The following PDZD2 variants were observed in gnomAD, a reference collection of about 807,000 sequenced individuals.
The protein encoded by PDZD2 is PDZ domain-containing protein 2.
Under a neutral mutation model 220.7 loss-of-function variants are expected in PDZD2, and 90 were observed. That is an observed-to-expected ratio of 0.41 (90% CI 0.34 to 0.49). PDZD2 has a LOEUF of 0.49. PDZD2 is among the 20% of genes least tolerant of loss of function. PDZD2 has a pLI of 0.28. For missense variants in PDZD2, 3,174 were observed against 3,608.5 expected, an observed-to-expected ratio of 0.88 and a Z score of 3.08; for synonymous variants, 1,375 against 1,450.5, an observed-to-expected ratio of 0.95 and a Z score of 1.18.
intron 2 of PDZD2, among the ~76,000 whole-genome samples, chr5:31,921,896 C>T (rs1581084860): frequency 6.6e-6 from 1 of 152,168 alleles, no homozygotes; most frequent in African/African-American, 2.4e-5. Context: ...TGCCCGCCCT[C>T]CTCTGAGGTA....
intron 7 of PDZD2, among the ~76,000 whole-genome samples, chr5:32,045,285 C>T (rs1294337859): frequency 6.6e-6 from 1 of 152,220 alleles, no homozygotes; most frequent in African/African-American, 2.4e-5. Flanking sequence ...GCAACATCAT[C>T]TCTCATTTCA....
intron 2 of PDZD2, among the ~76,000 whole-genome samples, chr5:31,902,418 C>A (rs1034523145): frequency 6.6e-6 from 1 of 151,170 alleles, no homozygotes; most frequent in Non-Finnish European, 1.5e-5. Context: ...AGATCTTTAG[C>A]CTGTTACTCA....
chr5:32,023,651 T>C (rs1398102312), intron 6 of PDZD2, among the ~76,000 whole-genome samples: 1 of 152,204 alleles, frequency 6.6e-6, no homozygotes. Flanking sequence ...CTAAGATGTC[T>C]CTCTCTGTCA....
At chr5:31,695,445 TCA>T (rs1228983821) in intron 1 of PDZD2, among the ~76,000 whole-genome samples, 1 of 152,258 alleles carries the variant, frequency 6.6e-6, no homozygotes, top group Non-Finnish European at 1.5e-5. Flanking sequence ...CTTGTACAGC[TCA>T]GTTTCACTTA....
intron 1 of PDZD2, among the ~76,000 whole-genome samples, chr5:31,686,971 A>G (rs1036904401): frequency 2.0e-5 from 3 of 152,164 alleles, no homozygotes; most frequent in African/African-American, 7.2e-5. Context: ...CCATGCGTGC[A>G]GGGCTGTGGA....
intron 1 of PDZD2, among the ~76,000 whole-genome samples, chr5:31,706,933 T>G (rs1316236746): frequency 6.6e-6 from 1 of 151,682 alleles, no homozygotes; most frequent in Non-Finnish European, 1.5e-5. Flanking sequence ...CTCTACAAAT[T>G]CATGTGTTGA....
chr5:32,093,040 A>G lies in PDZD2; in HGVS notation c.7845+16A>G, dbSNP rs748881005. 3.0e-5 allele frequency: 39 copies of G among 1,301,926 alleles called. No homozygotes were observed. The highest frequency in any genetic ancestry group is 4.1e-5 in the Non-Finnish European group (37 of 898,478). The allele number at this position is 1,301,926 out of a possible 1,614,324, so 80.6% of individuals were successfully genotyped here. On this transcript the variant is annotated intron_variant, in intron 21 of 24. Transcript: ENST00000438447. ...ACAATCAGAGGTGAGTGAAACACAG[A>G]AAGCTCAGGAACATGAATTGCGGCC...
intron 6 of PDZD2, among the ~76,000 whole-genome samples, chr5:32,025,591 C>CTTTTTGTTTTTTTTTTTTT (rs1754584449): frequency 1.5e-5 from 1 of 67,508 alleles, no homozygotes; most frequent in Non-Finnish European, 2.6e-5. Flanking sequence ...AACCATGATG[C>CTTTTTGTTTTTTTTTTTTT]TTTTTTTTTT....
chr5:31,679,278 C>A (rs537437340), intron 1 of PDZD2, among the ~76,000 whole-genome samples: 40 of 152,360 alleles, frequency 2.6e-4, no homozygotes, highest in Non-Finnish European at 3.4e-4. Flanking sequence ...GCAAAATATT[C>A]TTTCGCTTTT....
intron 18 of PDZD2, among the ~76,000 whole-genome samples, chr5:32,075,329 G>C (rs1371813761): frequency 1.3e-5 from 2 of 152,162 alleles, no homozygotes; most frequent in African/African-American, 4.8e-5. Flanking sequence ...ACATTTCTGA[G>C]CTTAGTTCTC....
chr5:32,052,994 G>T (rs993412645), intron 9 of PDZD2, among the ~76,000 whole-genome samples: 3 of 152,070 alleles, frequency 2.0e-5, no homozygotes, highest in Non-Finnish European at 4.4e-5. Context: ...TCTTTAAATG[G>T]TTACTTTTTA....
chr5:32,074,610 C>A lies in PDZD2; in HGVS notation c.3504C>A (p.Val1168=). 6.2e-7 allele frequency: 1 copy of A among 1,610,782 alleles called. No individual in the cohort carries two copies. The highest frequency in any genetic ancestry group is 8.5e-7 in the Non-Finnish European group (1 of 1,178,600). The change falls in exon 18 of 25, where the codon GTC becomes GTA. Residue 1168 remains valine (V), a synonymous_variant. Coordinates refer to ENST00000438447, the MANE Select transcript of PDZD2 (RefSeq NM_178140.4). ...AGGCCACTTCTGTCAAAGTGACTGTCGCTGGCTTTCAGCCAGGTGGAGCTG... is the reference window on the plus strand; with the variant it reads ...AGGCCACTTCTGTCAAAGTGACTGTAGCTGGCTTTCAGCCAGGTGGAGCTG... ...RVQATSVKVT[V]AGFQPGGAVE...
At chr5:32,013,409 A>AGG (rs1435456503) in intron 6 of PDZD2, among the ~76,000 whole-genome samples, 4 of 150,172 alleles carry the variant, frequency 2.7e-5, no homozygotes, top group Admixed American at 6.7e-5. Context: ...AGATTATAGT[A>AGG]ATTTACACTT....
rs1262904704 is a variant in PDZD2, at chr5:31,983,422, T to C, written c.744T>C (p.Thr248=). 1.2e-6 allele frequency: 2 copies of C among 1,614,044 alleles called. No individual in the cohort carries two copies. The highest frequency in any genetic ancestry group is 4.5e-5 in the East Asian group (2 of 44,892). ...GTGAGGTGTCCAGTGACCCCAGCAC[T>C]GAGCTGGAGAACGGCCCTGACCCTG... The part of the protein sequence containing the change: ...AGCEVSSDPS[T]ELENGPDPEL... Residue 248 remains threonine (T), a synonymous_variant, in exon 3 of 25, where the codon ACT becomes ACC. Coordinates refer to ENST00000438447, the MANE Select transcript of PDZD2 (RefSeq NM_178140.4).
chr5:32,064,131 A>G (rs553091835), intron 14 of PDZD2, among the ~76,000 whole-genome samples: 1 of 152,170 alleles, frequency 6.6e-6, no homozygotes, highest in Non-Finnish European at 1.5e-5. Context: ...AGTTGCCTTT[A>G]ACTTTTTGAA....
chr5:31,954,796 C>T (rs1295536589), intron 2 of PDZD2, among the ~76,000 whole-genome samples: 1 of 151,960 alleles, frequency 6.6e-6, no homozygotes, highest in Non-Finnish European at 1.5e-5. Context: ...ATTAGCCGGG[C>T]GTGGTGGTGC....
chr5:31,751,731 T>C (rs912119076), intron 1 of PDZD2, among the ~76,000 whole-genome samples: 1 of 152,126 alleles, frequency 6.6e-6, no homozygotes, highest in Non-Finnish European at 1.5e-5. Context: ...GCCCCCCAGT[T>C]CCTTGGCATC....
intron 19 of PDZD2, 24 bp downstream of exon 19, chr5:32,077,630 A>T: frequency 6.2e-7 from 1 of 1,612,130 alleles, no homozygotes; most frequent in Non-Finnish European, 8.5e-7. Flanking sequence ...CCCATTTGTT[A>T]ATCTTAAAGT....
intron 2 of PDZD2, among the ~76,000 whole-genome samples, chr5:31,860,613 C>A (rs1163761874): frequency 2.0e-5 from 3 of 152,134 alleles, no homozygotes; most frequent in Non-Finnish European, 4.4e-5. Flanking sequence ...TTGCAGGTGC[C>A]CACTCGGGGC....
Sources: allele counts gnomAD v4.1 joint callset (sites outside exome capture counted in the v4.1 genomes callset), GRCh38; gene constraint gnomAD v4.1.1; transcripts MANE v1.5; gene names NCBI Gene and HGNC (gene_info 2026-07-23, HGNC 2026-07-21).